The following DMD variants were observed in gnomAD, a reference collection of about 807,000 sequenced individuals.
The protein encoded by DMD is mutant dystrophin.
In DMD, 63 loss-of-function variants were observed where a neutral mutation model predicts 330.1. That is an observed-to-expected ratio of 0.19 (90% CI 0.16 to 0.24). DMD has a LOEUF of 0.24. Among genes scored for constraint, DMD ranks in the 10% least tolerant of loss-of-function variants. The pLI, the probability that DMD is intolerant of heterozygous loss-of-function variation, is 1.00. For missense variants in DMD, 3,344 were observed against 2,684.1 expected, an observed-to-expected ratio of 1.25 and a Z score of -5.43; for synonymous variants, 1,223 against 959.8, an observed-to-expected ratio of 1.27 and a Z score of -5.07.
intron 2 of DMD, among the ~76,000 whole-genome samples, chrX:32,989,720 G>A (rs185655700): frequency 9.0e-6 from 1 of 111,201 alleles, no homozygotes; most frequent in African/African-American, 3.3e-5. Flanking sequence ...TTAGTTCTGG[G>A]AGGCCATAAT....
intron 1 of DMD, among the ~76,000 whole-genome samples, chrX:33,158,745 A>G (rs951614785): frequency 9.0e-6 from 1 of 111,462 alleles, no homozygotes; most frequent in Non-Finnish European, 1.9e-5. Flanking sequence ...CAGCACCCCA[A>G]TTAATTGCCC....
chrX:33,280,918 T>G (rs2148921328), intron 1 of DMD, among the ~76,000 whole-genome samples: 1 of 111,751 alleles, frequency 8.9e-6, no homozygotes, highest in African/African-American at 3.2e-5. Flanking sequence ...GTATAGGTCC[T>G]GTGCCATTCT....
intron 74 of DMD, among the ~76,000 whole-genome samples, chrX:31,166,026 G>A (rs1002385571): frequency 1.8e-5 from 2 of 111,449 alleles, no homozygotes; most frequent in Non-Finnish European, 3.8e-5. Context: ...GTTTGAAAAA[G>A]GGGAGAATTT....
intron 60 of DMD, among the ~76,000 whole-genome samples, chrX:31,441,295 C>CA (rs1228909807): frequency 1.2e-4 from 13 of 111,849 alleles, no homozygotes; most frequent in African/African-American, 4.2e-4. Context: ...CTCCTGGTTT[C>CA]AAGCAATTCT....
At chrX:32,059,357 A>C (rs1274991298) in intron 44 of DMD, among the ~76,000 whole-genome samples, 2 of 111,445 alleles carry the variant, frequency 1.8e-5, no homozygotes, top group Non-Finnish European at 3.8e-5. Context: ...TATACCTGAC[A>C]ACATAGAAAG....
chrX:32,033,401 AT>A (rs995430548), intron 44 of DMD, among the ~76,000 whole-genome samples: 4 of 109,635 alleles, frequency 3.6e-5, no homozygotes, highest in African/African-American at 1.3e-4. Flanking sequence ...ACACAGTAAA[AT>A]TTTTTTTAAG....
intron 56 of DMD, among the ~76,000 whole-genome samples, chrX:31,500,039 T>TC (rs1232764933): frequency 9.0e-6 from 1 of 111,660 alleles, no homozygotes; most frequent in Admixed American, 9.5e-5. Flanking sequence ...ATTGCTTCAT[T>TC]TTTTTCCTCT....
At chrX:31,251,880 T>C (rs2049400328) in intron 63 of DMD, among the ~76,000 whole-genome samples, 1 of 112,768 alleles carries the variant, frequency 8.9e-6, no homozygotes, top group Non-Finnish European at 1.9e-5. Context: ...GTAACCTTAA[T>C]GTTCCTCTTA....
At chrX:32,922,264 T>C (rs2088499514) in intron 2 of DMD, among the ~76,000 whole-genome samples, 1 of 110,873 alleles carries the variant, frequency 9.0e-6, no homozygotes, top group African/African-American at 3.3e-5. Context: ...ATGTATACTC[T>C]CTAAGTAATA....
At chrX:32,583,833 G>A (rs2053929059) in intron 13 of DMD, 2 of 112,114 alleles carry the variant, frequency 1.8e-5, no homozygotes, top group African/African-American at 6.5e-5. Flanking sequence ...ATTGTAATAC[G>A]AAAGGTAAAA....
In DMD at chrX:33,021,616, ATC is replaced by A. The variant is rs758601759; in HGVS notation, c.32-1418_32-1417del. Among the ~76,000 whole-genome samples, 385 of 111,848 alleles carry A rather than the reference ATC, an allele frequency of 3.4e-3. 1 individual carries two copies. The highest frequency in any genetic ancestry group is 6.1e-3 in the Non-Finnish European group (322 of 53,106). On this transcript the variant is annotated intron_variant, in intron 1 of 78. Coordinates refer to ENST00000357033, the MANE Select transcript of DMD (RefSeq NM_004006.3). Reference sequence around the variant, plus strand: ...ACAAATATATGCATGCACCAAAAATATCTGTTTATCTTTAAATCACAATACTA... The same window carrying A: ...ACAAATATATGCATGCACCAAAAATATGTTTATCTTTAAATCACAATACTA...
At chrX:32,460,470 T>A (rs1039264502) in intron 25 of DMD, among the ~76,000 whole-genome samples, 1 of 111,073 alleles carries the variant, frequency 9.0e-6, no homozygotes, top group African/African-American at 3.3e-5. Context: ...AACAACCATT[T>A]TAAATGAAAT....
chrX:31,423,074 T>C (rs2063527166), intron 60 of DMD, among the ~76,000 whole-genome samples: 1 of 111,721 alleles, frequency 9.0e-6, no homozygotes, highest in African/African-American at 3.3e-5. Context: ...TCATCTGCCT[T>C]CCATTTTCCA....
intron 7 of DMD, among the ~76,000 whole-genome samples, chrX:32,763,201 A>G: frequency 8.9e-6 from 1 of 112,121 alleles, no homozygotes; most frequent in Non-Finnish European, 1.9e-5. Flanking sequence ...CATGCTAATT[A>G]ATCTTCTTCA....
chrX:33,054,959 G>A (rs961551094), intron 1 of DMD, among the ~76,000 whole-genome samples: 3 of 111,795 alleles, frequency 2.7e-5, no homozygotes, highest in African/African-American at 9.7e-5. Flanking sequence ...CTGATGGGCA[G>A]GGGGATAGGT....
chrX:32,939,043 T>A lies in DMD; in HGVS notation c.93+81096A>T, dbSNP rs2090209608. 3.6e-5 allele frequency among the ~76,000 whole-genome samples: 4 copies of A among 110,101 alleles called. No individual in the cohort carries two copies. The South Asian group carries it at 1.5e-3, about 43-fold the overall frequency. On this transcript the variant is annotated intron_variant, in intron 2 of 78. Transcript: ENST00000357033. ...ATTATAGGGGATTTTACGTTTTTCA[T>A]AATGTCTACAATGAGCATATACTAC...
intron 29 of DMD, 161 bp from the exon 30 acceptor site, chrX:32,412,074 A>G (rs74820708): frequency 8.6e-7 from 1 of 1,168,550 alleles, no homozygotes; most frequent in Non-Finnish European, 1.1e-6. Context: ...CTGTTGATAG[A>G]AAAAAAATGT....
intron 7 of DMD, among the ~76,000 whole-genome samples, chrX:32,795,552 A>G (rs2076121975): frequency 8.9e-6 from 1 of 112,037 alleles, no homozygotes; most frequent in African/African-American, 3.2e-5. Flanking sequence ...ACCTTGGTCT[A>G]GGCAAAGATT....
chrX:33,057,714 A>G (rs1257458907), intron 1 of DMD, among the ~76,000 whole-genome samples: 3 of 111,922 alleles, frequency 2.7e-5, no homozygotes, highest in Non-Finnish European at 5.6e-5. Context: ...ATCATTATAG[A>G]TAACTTTGGC....
Sources: allele counts gnomAD v4.1 joint callset (sites outside exome capture counted in the v4.1 genomes callset), GRCh38; gene constraint gnomAD v4.1.1; transcripts MANE v1.5; gene names NCBI Gene and HGNC (gene_info 2026-07-23, HGNC 2026-07-21).